The following KCNG3 variants were observed in gnomAD, a reference collection of about 807,000 sequenced individuals.
The protein encoded by KCNG3 is potassium voltage-gated channel modifier subfamily G member 3.
In KCNG3, 15 loss-of-function variants were observed where a neutral mutation model predicts 29.0. That is an observed-to-expected ratio of 0.52 (90% CI 0.35 to 0.80). The LOEUF (loss-of-function observed/expected upper bound fraction) is 0.80. Ranked by LOEUF, KCNG3 falls within the 30% of genes least tolerant of loss-of-function variation. KCNG3 has a pLI of 0.01. For missense variants in KCNG3, 512 were observed against 605.7 expected (o/e 0.85, Z 1.62); for synonymous variants, 322 against 248.9 (o/e 1.29, Z -2.76).
At chr2:42,417,797 C>G in the KCNG3 span, among the ~76,000 whole-genome samples, 2 of 151,722 alleles carry the variant, frequency 1.3e-5, no homozygotes, top group Non-Finnish European at 1.5e-5. Context: ...ATGGTGAAAC[C>G]CTGTCTCTGC....
In KCNG3 at chr2:42,455,258, C is replaced by A. The variant is rs146112884; in HGVS notation, c.666-10679G>T. 3.1e-3 allele frequency among the ~76,000 whole-genome samples: 478 copies of A among 152,280 alleles called. 6 individuals carry two copies. Among genetic ancestry groups the A allele is most frequent in the Admixed American group, 0.02 (308 of 15,290 alleles). ...TAGAGGCTACAGGTGTGAGCCACCA[C>A]GCCCAGCAAGTTGGACTGCTCAGCC... On this transcript the variant is annotated intron_variant, in intron 1 of 1. Transcript: ENST00000306078.
chr2:42,456,209 AATC>A (rs1170683066), intron 1 of KCNG3, among the ~76,000 whole-genome samples: 2 of 152,150 alleles, frequency 1.3e-5, no homozygotes, highest in Non-Finnish European at 2.9e-5. Flanking sequence ...CATAGACTGC[AATC>A]ATTTTTTAGC....
intron 1 of KCNG3, among the ~76,000 whole-genome samples, chr2:42,447,398 A>G (rs1436830534): frequency 2.0e-5 from 3 of 152,188 alleles, no homozygotes; most frequent in Non-Finnish European, 4.4e-5. Flanking sequence ...AGGTCATTCC[A>G]AATCAGTAAA....
At chr2:42,448,566 T>C (rs1272564559) in intron 1 of KCNG3, among the ~76,000 whole-genome samples, 1 of 152,156 alleles carries the variant, frequency 6.6e-6, no homozygotes, top group East Asian at 1.9e-4. Flanking sequence ...CATTCTATCT[T>C]ATACTATGCT....
At chr2:42,476,194 G>A (rs1021651168) in intron 1 of KCNG3, among the ~76,000 whole-genome samples, 1 of 151,818 alleles carries the variant, frequency 6.6e-6, no homozygotes, top group African/African-American at 2.4e-5. Flanking sequence ...CAACCAGGCC[G>A]GGCGCAGTGA....
chr2:42,392,218 G>A, the KCNG3 span, among the ~76,000 whole-genome samples: 1 of 152,112 alleles, frequency 6.6e-6, no homozygotes, highest in Non-Finnish European at 1.5e-5. Context: ...TGCATTCAGG[G>A]AAAGGGAGTT....
the KCNG3 span, among the ~76,000 whole-genome samples, chr2:42,409,376 T>A: frequency 6.6e-6 from 1 of 151,840 alleles, no homozygotes; most frequent in African/African-American, 2.4e-5. Flanking sequence ...TAAAAATTAT[T>A]TTTCAAATAT....
At chr2:42,436,705 AT>A in the KCNG3 span, among the ~76,000 whole-genome samples, 3 of 152,246 alleles carry the variant, frequency 2.0e-5, no homozygotes, top group Non-Finnish European at 4.4e-5. Flanking sequence ...AAAAGAAGGT[AT>A]CCATCTATCA....
At chr2:42,412,045 G>A in the KCNG3 span, among the ~76,000 whole-genome samples, 2 of 152,224 alleles carry the variant, frequency 1.3e-5, no homozygotes, top group Admixed American at 6.5e-5. Context: ...CTGCTGTGGT[G>A]GCTGGCAAGC....
intron 1 of KCNG3, among the ~76,000 whole-genome samples, chr2:42,479,057 A>G (rs1357027837): frequency 1.3e-5 from 2 of 151,510 alleles, no homozygotes; most frequent in Non-Finnish European, 2.9e-5. Context: ...TCCTTTGAGC[A>G]TCATGTCAGC....
At chr2:42,448,072 C>CT (rs1449137729) in intron 1 of KCNG3, among the ~76,000 whole-genome samples, 1 of 152,162 alleles carries the variant, frequency 6.6e-6, no homozygotes, top group African/African-American at 2.4e-5. Flanking sequence ...CTCTGCCACT[C>CT]TGAGAGATGA....
At chr2:42,454,362 T>A (rs1672830244) in intron 1 of KCNG3, among the ~76,000 whole-genome samples, 1 of 152,220 alleles carries the variant, frequency 6.6e-6, no homozygotes, top group Non-Finnish European at 1.5e-5. Context: ...GCAACCTTAA[T>A]GTCCACTGAC....
chr2:42,451,937 C>T (rs1027619179), intron 1 of KCNG3, among the ~76,000 whole-genome samples: 3 of 151,638 alleles, frequency 2.0e-5, no homozygotes, highest in Non-Finnish European at 4.4e-5. Flanking sequence ...AACAAAGATA[C>T]AATCAAGAGT....
chr2:42,416,941 T>G, the KCNG3 span, among the ~76,000 whole-genome samples: 16 of 150,726 alleles, frequency 1.1e-4, no homozygotes, highest in Admixed American at 1.1e-3. Flanking sequence ...CCCACAAATA[T>G]ATTAATTATA....
chr2:42,422,942 A>G, the KCNG3 span, among the ~76,000 whole-genome samples: 1 of 152,002 alleles, frequency 6.6e-6, no homozygotes, highest in Non-Finnish European at 1.5e-5. Context: ...CCAGGGACCA[A>G]GCCTAGGTTA....
At chr2:42,440,926 A>G (rs1467867009), downstream of KCNG3, among the ~76,000 whole-genome samples, 1 of 152,230 alleles carries the variant, frequency 6.6e-6, no homozygotes, top group Non-Finnish European at 1.5e-5. Context: ...TTAGGAGATT[A>G]GGGCTTTTTT....
intron 1 of KCNG3, among the ~76,000 whole-genome samples, chr2:42,480,865 C>A (rs1404877026): frequency 1.3e-5 from 2 of 151,706 alleles, no homozygotes; most frequent in African/African-American, 2.4e-5. Context: ...CTCACTGCAA[C>A]CTCCACCTGG....
intron 1 of KCNG3, among the ~76,000 whole-genome samples, chr2:42,489,788 A>T: frequency 6.6e-6 from 1 of 152,218 alleles, no homozygotes; most frequent in East Asian, 1.9e-4. Flanking sequence ...TAACTCCTGG[A>T]AAGTCCACTT....
intron 1 of KCNG3, among the ~76,000 whole-genome samples, chr2:42,468,932 C>A (rs549463563): frequency 9.2e-6 from 1 of 108,590 alleles, no homozygotes; most frequent in African/African-American, 3.7e-5. Flanking sequence ...ACAGCCTGGG[C>A]GACACAGCAA....
Sources: allele counts gnomAD v4.1 joint callset (sites outside exome capture counted in the v4.1 genomes callset), GRCh38; gene constraint gnomAD v4.1.1; transcripts MANE v1.5; gene names NCBI Gene and HGNC (gene_info 2026-07-23, HGNC 2026-07-21).